The following SAMD5 variants were observed in gnomAD, a reference collection of about 807,000 sequenced individuals.
The protein encoded by SAMD5 is sterile alpha motif domain-containing protein 5.
Under a neutral mutation model 11.3 loss-of-function variants are expected in SAMD5, and 13 were observed. The observed-to-expected ratio is 1.15, with a 90% CI of 0.75 to 1.83. The LOEUF (loss-of-function observed/expected upper bound fraction) is 1.83. SAMD5 is among the 40% of genes most tolerant of loss of function. The pLI is 0.00. For synonymous variants in SAMD5, 129 were observed against 111.3 expected (o/e 1.16, Z -1.00); for missense variants, 255 against 239.1 (o/e 1.07, Z -0.44).
chr6:147,791,540 C>A, the SAMD5 span, among the ~76,000 whole-genome samples: 1 of 152,010 alleles, frequency 6.6e-6, no homozygotes, highest in South Asian at 2.1e-4. Context: ...ACTGTTAGAC[C>A]TATGTGACCA....
At chr6:147,895,183 A>G in the SAMD5 span, among the ~76,000 whole-genome samples, 1 of 152,216 alleles carries the variant, frequency 6.6e-6, no homozygotes, top group African/African-American at 2.4e-5. Context: ...AAATGCTGAA[A>G]TGCTATCTTT....
At chr6:147,609,344 G>A (rs1789747714) in intron 1 of SAMD5, among the ~76,000 whole-genome samples, 1 of 152,266 alleles carries the variant, frequency 6.6e-6, no homozygotes, top group Middle Eastern at 3.4e-3. Flanking sequence ...ATAGAACATT[G>A]CCTCATAGGC....
chr6:147,593,033 A>C (rs567493507), intron 1 of SAMD5, among the ~76,000 whole-genome samples: 1 of 152,124 alleles, frequency 6.6e-6, no homozygotes, highest in South Asian at 2.1e-4. Context: ...GAGGTAATTA[A>C]GGTTGTGAGG....
At chr6:147,929,422 C>G in the SAMD5 span, among the ~76,000 whole-genome samples, 1 of 152,258 alleles carries the variant, frequency 6.6e-6, no homozygotes, top group Non-Finnish European at 1.5e-5. Flanking sequence ...CCCTATCACA[C>G]CTAACACCCC....
intron 1 of SAMD5, among the ~76,000 whole-genome samples, chr6:147,529,283 T>A (rs563556581): frequency 1.8e-3 from 268 of 152,296 alleles, no homozygotes; most frequent in African/African-American, 6.2e-3. Flanking sequence ...ATCATGTTTT[T>A]AAAATATTAT....
intron 1 of SAMD5, among the ~76,000 whole-genome samples, chr6:147,604,126 A>G (rs896687053): frequency 6.6e-6 from 1 of 152,210 alleles, no homozygotes; most frequent in Non-Finnish European, 1.5e-5. Context: ...AAGACTGACG[A>G]CTAGAAAAAT....
chr6:147,759,552 T>C, the SAMD5 span, among the ~76,000 whole-genome samples: 3 of 151,066 alleles, frequency 2.0e-5, no homozygotes, highest in Non-Finnish European at 4.4e-5. Context: ...TATGTATATA[T>C]CTAATATGTA....
At chr6:147,860,631 C>G in the SAMD5 span, among the ~76,000 whole-genome samples, 1 of 152,190 alleles carries the variant, frequency 6.6e-6, no homozygotes, top group African/African-American at 2.4e-5. Flanking sequence ...TCAGGCTGAT[C>G]ACATCCCCAC....
intron 1 of SAMD5, among the ~76,000 whole-genome samples, chr6:147,579,152 A>G (rs1299525070): frequency 1.3e-5 from 2 of 152,274 alleles, no homozygotes; most frequent in African/African-American, 4.8e-5. Context: ...AGGAATGAAT[A>G]AAGGATTTAC....
chr6:147,825,832 C>T, the SAMD5 span, among the ~76,000 whole-genome samples: 74 of 152,336 alleles, frequency 4.9e-4, 1 homozygote, highest in African/African-American at 1.7e-3. Flanking sequence ...AGTGTTACAA[C>T]TCCAAACTCT....
chr6:147,742,335 G>T (rs9403885), downstream of SAMD5, among the ~76,000 whole-genome samples: 2 of 151,748 alleles, frequency 1.3e-5, no homozygotes, highest in African/African-American at 4.8e-5. Context: ...CCTCTGAGTC[G>T]CTTTGGGTGT....
the SAMD5 span, among the ~76,000 whole-genome samples, chr6:147,816,735 G>A: frequency 6.6e-6 from 1 of 152,116 alleles, no homozygotes; most frequent in Non-Finnish European, 1.5e-5. Flanking sequence ...TTCAGGAAAG[G>A]ACAATAGGGA....
the SAMD5 span, among the ~76,000 whole-genome samples, chr6:147,947,148 A>G: frequency 6.6e-6 from 1 of 152,144 alleles, no homozygotes; most frequent in African/African-American, 2.4e-5. Context: ...ATAAAAAACA[A>G]GAGTGTGTTT....
At chr6:147,597,637 A>C (rs1441002317) in intron 1 of SAMD5, among the ~76,000 whole-genome samples, 1 of 152,272 alleles carries the variant, frequency 6.6e-6, no homozygotes, top group Non-Finnish European at 1.5e-5. Flanking sequence ...ATTTCAATAA[A>C]GCAAGAAAAT....
At chr6:147,907,738 T>C in the SAMD5 span, among the ~76,000 whole-genome samples, 4,055 of 152,246 alleles carry the variant, frequency 0.027, 191 homozygotes, top group African/African-American at 0.092. Context: ...CTAAGGCCTT[T>C]GTTTCCATAA....
At chr6:147,649,301 A>G (rs1358726122) in intron 1 of SAMD5, among the ~76,000 whole-genome samples, 1 of 152,180 alleles carries the variant, frequency 6.6e-6, no homozygotes, top group Non-Finnish European at 1.5e-5. Flanking sequence ...TTTTATCTTT[A>G]TGATGGGGCC....
intron 1 of SAMD5, among the ~76,000 whole-genome samples, chr6:147,543,355 GAA>G (rs1378481877): frequency 3.3e-5 from 5 of 152,128 alleles, no homozygotes; most frequent in Non-Finnish European, 7.4e-5. Flanking sequence ...CATTGCTAGA[GAA>G]AGTTCTAATG....
At chr6:147,563,429 A>G (rs1788986685) in intron 1 of SAMD5, among the ~76,000 whole-genome samples, 1 of 152,232 alleles carries the variant, frequency 6.6e-6, no homozygotes, top group African/African-American at 2.4e-5. Context: ...AACAAAATTG[A>G]TTTAACCTTT....
At chr6:147,720,384 A>AC (rs1185822470) in intron 1 of SAMD5, among the ~76,000 whole-genome samples, 20 of 151,606 alleles carry the variant, frequency 1.3e-4, no homozygotes, top group Middle Eastern at 3.4e-3. Flanking sequence ...AATGGCGGGA[A>AC]CCCAGGAGGC....
Sources: allele counts gnomAD v4.1 joint callset (sites outside exome capture counted in the v4.1 genomes callset), GRCh38; gene constraint gnomAD v4.1.1; transcripts MANE v1.5; gene names NCBI Gene and HGNC (gene_info 2026-07-23, HGNC 2026-07-21).